Variants in PHLPP1 observed in about 807,000 individuals in gnomAD.
PHLPP1 encodes PH domain and leucine rich repeat protein phosphatase 1.
PHLPP1 carries 42 observed loss-of-function variants against 117.2 expected under a neutral mutation model. That is an observed-to-expected ratio of 0.36 (90% CI 0.28 to 0.46). The LOEUF (loss-of-function observed/expected upper bound fraction) is 0.46, where lower values mean the gene tolerates loss of function less well. Ranked by LOEUF, PHLPP1 falls within the 20% of genes least tolerant of loss-of-function variation. The probability of loss-of-function intolerance (pLI) is 1.00; values close to 1 mark genes in which losing one functional copy is unlikely to be tolerated. For missense variants in PHLPP1, 2,084 were observed against 2,241.9 expected, an observed-to-expected ratio of 0.93 and a Z score of 1.42; for synonymous variants, 1,042 against 970.7, an observed-to-expected ratio of 1.07 and a Z score of -1.37.
chr18:62,807,732 T>C (rs2144307894), intron 1 of PHLPP1, among the ~76,000 whole-genome samples: 1 of 152,338 alleles, frequency 6.6e-6, no homozygotes, highest in Middle Eastern at 3.4e-3. Context: ...GAAGTATTAG[T>C]GTATCTAAAC....
chr18:62,967,654 TAAAC>T (rs1910940815), intron 14 of PHLPP1, among the ~76,000 whole-genome samples: 1 of 152,148 alleles, frequency 6.6e-6, no homozygotes, highest in South Asian at 2.1e-4. Flanking sequence ...GTTTTTATAA[TAAAC>T]AGATAACACA....
chr18:62,842,853 A>G (rs757240939), intron 3 of PHLPP1: 2 of 152,258 alleles, frequency 1.3e-5, no homozygotes, highest in African/African-American at 2.4e-5. Context: ...TTTGAATCCT[A>G]TGTAAAACAT....
intron 1 of PHLPP1, among the ~76,000 whole-genome samples, chr18:62,736,897 G>A (rs547945251): frequency 5.9e-5 from 9 of 152,028 alleles, no homozygotes; most frequent in African/African-American, 1.4e-4. Context: ...ATTTTTTTCC[G>A]TATACAAAAT....
chr18:62,727,656 C>A (rs935859925), intron 1 of PHLPP1, among the ~76,000 whole-genome samples: 1 of 150,164 alleles, frequency 6.7e-6, no homozygotes, highest in Non-Finnish European at 1.5e-5. Flanking sequence ...AGAGTTTATG[C>A]CATTTTTGCT....
chr18:62,978,806 A>G lies in PHLPP1; in HGVS notation c.4529A>G (p.Tyr1510Cys). 6.2e-7 allele frequency: 1 copy of G among 1,611,612 alleles called. No individual in the cohort carries two copies. Among genetic ancestry groups the G allele is most frequent in the South Asian group, 1.1e-5 (1 of 90,594 alleles). Residue 1510 changes from tyrosine (Y) to cysteine (C), a missense_variant, in exon 17 of 17, where the codon TAC (tyrosine) becomes TGC (cysteine). Transcript: ENST00000262719. The surrounding 1 kb of genome is among the most constrained non-coding windows in gnomAD (Gnocchi z 7.0). ...PGALSENSPA[Y>C]PSEQRCMLHP... ...GCCCTAAGCGAGAACAGCCCTGCCTACCCCAGTGAGCAGCGCTGCATGCTC... is the reference window on the plus strand; with the variant it reads ...GCCCTAAGCGAGAACAGCCCTGCCTGCCCCAGTGAGCAGCGCTGCATGCTC...
chr18:62,735,899 GTAAC>G (rs1287620090), intron 1 of PHLPP1, among the ~76,000 whole-genome samples: 3 of 151,766 alleles, frequency 2.0e-5, no homozygotes, highest in African/African-American at 4.8e-5. Flanking sequence ...GTATACATAT[GTAAC>G]TAACCTGCAC....
chr18:62,863,349 C>T (rs564870971), intron 4 of PHLPP1, among the ~76,000 whole-genome samples: 2 of 152,050 alleles, frequency 1.3e-5, no homozygotes, highest in South Asian at 4.2e-4. Flanking sequence ...TACAGGCATG[C>T]ACCACCACCA....
At chr18:62,894,823 T>C (rs1456343662) in intron 4 of PHLPP1, among the ~76,000 whole-genome samples, 188 bp from the exon 5 acceptor site, 3 of 152,234 alleles carry the variant, frequency 2.0e-5, no homozygotes, top group African/African-American at 7.2e-5. Flanking sequence ...ACATTTTAGG[T>C]AAAACACTGG....
intron 1 of PHLPP1, among the ~76,000 whole-genome samples, chr18:62,783,497 G>A (rs1422149369): frequency 1.3e-5 from 2 of 151,820 alleles, no homozygotes; most frequent in South Asian, 2.1e-4. Context: ...CAAAGTGCTG[G>A]GATTACAGGC....
chr18:62,914,684 T>C (rs1032333113), intron 8 of PHLPP1, among the ~76,000 whole-genome samples: 1 of 152,242 alleles, frequency 6.6e-6, no homozygotes, highest in Non-Finnish European at 1.5e-5. Flanking sequence ...GATCCTCCCA[T>C]AGGCGTGAGC....
intron 1 of PHLPP1, among the ~76,000 whole-genome samples, chr18:62,751,304 TC>T (rs1911846846): frequency 6.6e-6 from 1 of 152,224 alleles, no homozygotes; most frequent in African/African-American, 2.4e-5. Flanking sequence ...CCGAACTGTC[TC>T]TAAAACAAGT....
At chr18:62,826,203 G>T (rs769358730) in intron 1 of PHLPP1, 8 of 350,586 alleles carry the variant, frequency 2.3e-5, no homozygotes, top group Middle Eastern at 8.0e-4. Flanking sequence ...TATTTTTAAG[G>T]TAGCTTTATA....
intron 11 of PHLPP1, among the ~76,000 whole-genome samples, chr18:62,943,729 C>T (rs1446811523): frequency 2.0e-5 from 3 of 152,190 alleles, no homozygotes; most frequent in Admixed American, 6.5e-5. Context: ...AAACACCTCC[C>T]ACCGGGCCCC....
rs138670172 is a variant in PHLPP1 at position 62,970,107 on chromosome 18, G to A, written c.3561-2407G>A. 7.7e-4 allele frequency among the ~76,000 whole-genome samples: 117 copies of A among 151,564 alleles called. 1 individual carries two copies. Among genetic ancestry groups the A allele is most frequent in the Middle Eastern group, 6.8e-3 (2 of 294 alleles). ...TATCTTTATTTATTCTTATTCTACC[G>A]TGTGTCTCTGTGTGTACATGTGTGG... is the stretch of plus-strand genomic sequence containing the variant. On this transcript the variant is annotated intron_variant, in intron 14 of 16. Coordinates refer to ENST00000262719, the MANE Select transcript of PHLPP1 (RefSeq NM_194449.4).
chr18:62,747,125 G>A (rs1374565425), intron 1 of PHLPP1, among the ~76,000 whole-genome samples: 2 of 151,808 alleles, frequency 1.3e-5, no homozygotes, highest in Admixed American at 1.3e-4. Flanking sequence ...ATCAGCATTA[G>A]GTTTTCTTGA....
intron 3 of PHLPP1, among the ~76,000 whole-genome samples, chr18:62,840,666 T>C (rs905419331): frequency 3.3e-5 from 5 of 152,220 alleles, no homozygotes; most frequent in African/African-American, 1.2e-4. Context: ...CATTTCTTTC[T>C]GTATAGAGAT....
At chr18:62,930,579 C>T (rs1909778830) in intron 10 of PHLPP1, among the ~76,000 whole-genome samples, 1 of 152,108 alleles carries the variant, frequency 6.6e-6, no homozygotes, top group South Asian at 2.1e-4. Flanking sequence ...AATACCAGAC[C>T]TAAGAAAAGA....
Position 62,822,283 on chromosome 18 carries a change from T to TG in PHLPP1, c.1577-7752_1577-7751insG, listed in dbSNP as rs1568128075. ...AAATAGTGTTTTTTTTTTTTTTGTT[T>TG]TTGTTTTTTTTTTTTTGAGACAGAG... On this transcript the variant is annotated intron_variant, in intron 1 of 16. Coordinates refer to ENST00000262719, the MANE Select transcript of PHLPP1 (RefSeq NM_194449.4). Among the ~76,000 whole-genome samples, 44 of 141,938 alleles carry TG rather than the reference T, an allele frequency of 3.1e-4. 1 individual carries two copies. The highest frequency in any genetic ancestry group is 9.2e-4 in the Admixed American group (13 of 14,062). The allele number at this position is 141,938 out of a possible 152,430, so 93.1% of individuals were successfully genotyped here.
At chr18:62,856,196 TCC>T (rs1390626834) in intron 3 of PHLPP1, among the ~76,000 whole-genome samples, 1 of 152,066 alleles carries the variant, frequency 6.6e-6, no homozygotes, top group African/African-American at 2.4e-5. Flanking sequence ...CAGGAGCTAA[TCC>T]CCAGTGGATA....
Sources: allele counts gnomAD v4.1 joint callset (sites outside exome capture counted in the v4.1 genomes callset), GRCh38; gene constraint gnomAD v4.1.1; non-coding constraint Gnocchi (gnomAD v3.1); transcripts MANE v1.5; gene names NCBI Gene and HGNC (gene_info 2026-07-23, HGNC 2026-07-21).